BBS9: variants seen among roughly 807,000 people sequenced by gnomAD.
BBS9 encodes protein PTHB1.
BBS9 carries 89 observed loss-of-function variants against 117.7 expected under a neutral mutation model. The ratio of observed to expected loss-of-function variants is 0.76; its 90% confidence interval spans 0.64 to 0.90. The LOEUF (loss-of-function observed/expected upper bound fraction) is 0.90, where lower values mean the gene tolerates loss of function less well. Among genes scored for constraint, BBS9 ranks in the 40% least tolerant of loss-of-function variants. The pLI is 0.00. For missense variants in BBS9, 982 were observed against 1,042.2 expected (o/e 0.94, Z 0.80); for synonymous variants, 379 against 370.9 (o/e 1.02, Z -0.25).
At chr7:33,605,114 A>G in intron 22 of BBS9, 81 bp from the exon 23 acceptor site, 2 of 1,489,974 alleles carry the variant, frequency 1.3e-6, no homozygotes, top group Non-Finnish European at 1.9e-6. Flanking sequence ...GCACTGGTGC[A>G]GCTGAATTTG....
chr7:33,305,428 A>G (rs1807680627), intron 9 of BBS9, among the ~76,000 whole-genome samples: 1 of 152,180 alleles, frequency 6.6e-6, no homozygotes, highest in Admixed American at 6.5e-5. Context: ...GGACTTGTAG[A>G]AAGAGTTAGG....
At chr7:33,613,164 A>G (rs1864963131) in intron 21 of BBS9, among the ~76,000 whole-genome samples, 1 of 152,034 alleles carries the variant, frequency 6.6e-6, no homozygotes, top group Non-Finnish European at 1.5e-5. Flanking sequence ...GAGCTAGAAG[A>G]TGTAGTTTAG....
In BBS9 at chr7:33,569,226, C is replaced by G. The variant is rs185888855; in HGVS notation, c.2521+35050C>G. On this transcript the variant is annotated intron_variant, in intron 21 of 22. Transcript: ENST00000242067. ...AAGGGTAAAAAGTATTATACACAAA[C>G]GCTTCGCTCAAGTTAGTGAATTTGT... 7.9e-5 allele frequency among the ~76,000 whole-genome samples: 12 copies of G among 152,224 alleles called. No individual in the cohort carries two copies. The East Asian group carries it at 2.1e-3, about 27-fold the overall frequency.
chr7:33,591,036 G>A (rs1442940055), intron 21 of BBS9, among the ~76,000 whole-genome samples: 3 of 151,972 alleles, frequency 2.0e-5, no homozygotes, highest in African/African-American at 7.2e-5. Context: ...TGGAGAAACA[G>A]GATAGAATAC....
intron 19 of BBS9, among the ~76,000 whole-genome samples, chr7:33,490,743 T>G (rs1046685877): frequency 2.1e-4 from 32 of 152,362 alleles, no homozygotes; most frequent in African/African-American, 7.2e-4. Flanking sequence ...GCTTCTATTC[T>G]ATTAATAAGA....
chr7:33,289,719 T>C (rs1474628064), intron 9 of BBS9, among the ~76,000 whole-genome samples: 1 of 152,118 alleles, frequency 6.6e-6, no homozygotes, highest in African/African-American at 2.4e-5. Context: ...TGTAAATGGG[T>C]AGTTACAATT....
At chr7:33,478,683 A>G (rs1842117737) in intron 19 of BBS9, among the ~76,000 whole-genome samples, 2 of 152,000 alleles carry the variant, frequency 1.3e-5, no homozygotes, top group African/African-American at 4.8e-5. Flanking sequence ...TTTTTACTTG[A>G]GAGGTGGTGC....
intron 9 of BBS9, among the ~76,000 whole-genome samples, chr7:33,295,089 A>T (rs1272354675): frequency 6.6e-6 from 1 of 152,160 alleles, no homozygotes; most frequent in East Asian, 1.9e-4. Flanking sequence ...ATGGTTCTAG[A>T]CTAAAGGATA....
chr7:33,337,709 G>A (rs1035308408), intron 10 of BBS9, among the ~76,000 whole-genome samples: 1 of 152,058 alleles, frequency 6.6e-6, no homozygotes, highest in Non-Finnish European at 1.5e-5. Context: ...GTTAAAATGG[G>A]ATGTGTCATA....
At chr7:33,379,301 C>A (rs183928527) in intron 17 of BBS9, among the ~76,000 whole-genome samples, 3 of 152,048 alleles carry the variant, frequency 2.0e-5, no homozygotes, top group Non-Finnish European at 2.9e-5. Flanking sequence ...GTTCTTTAAA[C>A]GTGTGATAAT....
chr7:33,245,747 G>T (rs568712339), intron 5 of BBS9, among the ~76,000 whole-genome samples: 6 of 152,128 alleles, frequency 3.9e-5, no homozygotes, highest in Non-Finnish European at 8.8e-5. Flanking sequence ...TAGTTAAACA[G>T]ATATTTTTGG....
At chr7:33,470,068 G>A (rs1840759516) in intron 19 of BBS9, among the ~76,000 whole-genome samples, 1 of 152,146 alleles carries the variant, frequency 6.6e-6, no homozygotes, top group Non-Finnish European at 1.5e-5. Context: ...TAAGCTCTTC[G>A]AGGGTAGAGG....
chr7:33,503,855 T>C (rs1399512570), intron 19 of BBS9, among the ~76,000 whole-genome samples: 1 of 152,146 alleles, frequency 6.6e-6, no homozygotes, highest in Admixed American at 6.5e-5. Flanking sequence ...GTGGGCTCTT[T>C]CCATCTTTTC....
chr7:33,268,994 T>C (rs1799298303), intron 7 of BBS9, among the ~76,000 whole-genome samples: 1 of 152,200 alleles, frequency 6.6e-6, no homozygotes, highest in South Asian at 2.1e-4. Context: ...TTGAGCCAAA[T>C]AGTAATCAAA....
intron 4 of BBS9, among the ~76,000 whole-genome samples, chr7:33,158,644 T>G (rs1057333596): frequency 2.6e-5 from 4 of 152,202 alleles, no homozygotes; most frequent in Non-Finnish European, 1.5e-5. Context: ...ATGCCAAGTT[T>G]AAATATTGGC....
At chr7:33,254,117 C>T (rs1444908924) in intron 5 of BBS9, among the ~76,000 whole-genome samples, 2 of 152,096 alleles carry the variant, frequency 1.3e-5, no homozygotes, top group Non-Finnish European at 2.9e-5. Flanking sequence ...GACAGATGTT[C>T]TTTTTTGGAT....
chr7:33,481,410 A>G (rs1410657795), intron 19 of BBS9, among the ~76,000 whole-genome samples: 2 of 152,224 alleles, frequency 1.3e-5, no homozygotes, highest in Non-Finnish European at 2.9e-5. Context: ...GTATTTCTCT[A>G]TAAAATAAGG....
At chr7:33,630,939 GATTAC>G (rs1333176071) in intron 21 of BBS9, among the ~76,000 whole-genome samples, 2 of 152,158 alleles carry the variant, frequency 1.3e-5, no homozygotes, top group Non-Finnish European at 2.9e-5. Flanking sequence ...GCCCTCATGG[GATTAC>G]AGCCAAGTGG....
intron 19 of BBS9, among the ~76,000 whole-genome samples, chr7:33,401,332 C>T (rs368420509): frequency 6.6e-6 from 1 of 152,162 alleles, no homozygotes; most frequent in South Asian, 2.1e-4. Context: ...TTGAGAGGAT[C>T]TGCCTGTTGA....
Sources: gnomAD v4.1 joint callset for allele counts (sites outside exome capture counted in the v4.1 genomes callset) on GRCh38, gnomAD v4.1.1 for gene constraint, MANE v1.5 for transcripts, NCBI Gene and HGNC (gene_info 2026-07-23, HGNC 2026-07-21) for gene names.